The following GPHN variants were observed in gnomAD, a reference collection of about 807,000 sequenced individuals.
The protein encoded by GPHN is gephyrin.
A neutral mutation model predicts 95.5 loss-of-function variants in GPHN; 17 were observed. The ratio of observed to expected loss-of-function variants is 0.18; its 90% CI spans 0.12 to 0.27. GPHN has a LOEUF of 0.27. GPHN is among the 10% of genes least tolerant of loss of function. The pLI, the probability that GPHN is intolerant of heterozygous loss-of-function variation, is 1.00. For missense variants in GPHN, 660 were observed against 978.1 expected (o/e 0.67, Z 4.34); for synonymous variants, 320 against 322.5 (o/e 0.99, Z 0.08).
chr14:67,251,744 TAG>T, the GPHN span, among the ~76,000 whole-genome samples: 5 of 152,216 alleles, frequency 3.3e-5, no homozygotes, highest in South Asian at 2.1e-4. Context: ...TTCTTAAGCA[TAG>T]AGAGTCTTTT....
chr14:67,710,601 T>A, the GPHN span, among the ~76,000 whole-genome samples: 1 of 151,998 alleles, frequency 6.6e-6, no homozygotes, highest in Non-Finnish European at 1.5e-5. Context: ...ACAAAAAAAA[T>A]CTTTATTTTT....
chr14:67,446,287 T>C, the GPHN span, among the ~76,000 whole-genome samples: 1 of 152,182 alleles, frequency 6.6e-6, no homozygotes, highest in Non-Finnish European at 1.5e-5. Flanking sequence ...ATTCCATGGC[T>C]CTAAACTCAA....
the GPHN span, among the ~76,000 whole-genome samples, chr14:67,330,738 C>A: frequency 0.16 from 23,618 of 152,154 alleles, 3,462 homozygotes; most frequent in East Asian, 0.42. Flanking sequence ...GATTATGGGC[C>A]TGAGCCCCCG....
chr14:67,699,589 C>CAAAAAAAAAA, the GPHN span, among the ~76,000 whole-genome samples: 23 of 50,744 alleles, frequency 4.5e-4, no homozygotes, highest in African/African-American at 9.6e-4. Flanking sequence ...GACCCTATCT[C>CAAAAAAAAAA]AAAAAAAAAA....
the GPHN span, among the ~76,000 whole-genome samples, chr14:67,377,051 G>A: frequency 2.6e-5 from 4 of 152,112 alleles, no homozygotes; most frequent in Non-Finnish European, 5.9e-5. Flanking sequence ...CTAGCTCCCA[G>A]TTGGTCCTAT....
the GPHN span, among the ~76,000 whole-genome samples, chr14:67,192,076 T>G: frequency 6.6e-6 from 1 of 152,132 alleles, no homozygotes; most frequent in African/African-American, 2.4e-5. Flanking sequence ...CAAATAAAAC[T>G]CCATTCTTTG....
chr14:66,530,912 T>G (rs1777125782), intron 1 of GPHN, among the ~76,000 whole-genome samples: 1 of 151,824 alleles, frequency 6.6e-6, no homozygotes, highest in Non-Finnish European at 1.5e-5. Context: ...TCGGCCATCT[T>G]GCCAGCAACT....
At chr14:67,395,061 G>A in the GPHN span, among the ~76,000 whole-genome samples, 1 of 152,150 alleles carries the variant, frequency 6.6e-6, no homozygotes, top group East Asian at 1.9e-4. Flanking sequence ...CAGGTATTCT[G>A]TTATAAGTAA....
chr14:66,893,721 A>G (rs2064657253), intron 5 of GPHN, among the ~76,000 whole-genome samples: 1 of 149,248 alleles, frequency 6.7e-6, no homozygotes, highest in Non-Finnish European at 1.5e-5. Flanking sequence ...CACCAATAAC[A>G]GACAAACAGA....
chr14:66,899,911 A>G (rs2065044633), intron 5 of GPHN, among the ~76,000 whole-genome samples: 1 of 151,750 alleles, frequency 6.6e-6, no homozygotes, highest in Admixed American at 6.6e-5. Flanking sequence ...ATTTTTCTAG[A>G]GTTTTTTTAC....
the GPHN span, among the ~76,000 whole-genome samples, chr14:67,239,813 G>A: frequency 5.9e-5 from 9 of 152,154 alleles, no homozygotes; most frequent in Non-Finnish European, 1.0e-4. Flanking sequence ...CCGAGATTGC[G>A]CCACTTTACT....
chr14:67,340,413 GATC>G, the GPHN span: 3 of 1,592,550 alleles, frequency 1.9e-6, no homozygotes, highest in African/African-American at 1.3e-5. Flanking sequence ...AACAAAAGAT[GATC>G]AATAACTGCC....
At chr14:67,574,825 A>G in the GPHN span, among the ~76,000 whole-genome samples, 2 of 152,136 alleles carry the variant, frequency 1.3e-5, no homozygotes, top group Admixed American at 6.5e-5. This position sits in a 1 kb window ranked among gnomAD's most constrained non-coding sequence, Gnocchi z 4.2. Flanking sequence ...GGTTGAACAG[A>G]GCAGAGAAGC....
the GPHN span, among the ~76,000 whole-genome samples, chr14:67,731,144 G>T: frequency 1.3e-5 from 2 of 150,356 alleles, no homozygotes; most frequent in African/African-American, 4.9e-5. Context: ...AAATGTAGCT[G>T]CTAGAAAATT....
chr14:66,708,097 T>A (rs780921256), intron 2 of GPHN, among the ~76,000 whole-genome samples: 5 of 152,132 alleles, frequency 3.3e-5, no homozygotes, highest in Non-Finnish European at 7.4e-5. Flanking sequence ...CAAGTTTAGA[T>A]GATTTATTCA....
intron 2 of GPHN, among the ~76,000 whole-genome samples, chr14:66,699,795 G>A (rs922785139): frequency 6.6e-6 from 1 of 152,176 alleles, no homozygotes; most frequent in Non-Finnish European, 1.5e-5. Flanking sequence ...CCAGACAGAA[G>A]TAAACTATGG....
chr14:66,894,087 C>T (rs938106129), intron 5 of GPHN, among the ~76,000 whole-genome samples: 1 of 152,164 alleles, frequency 6.6e-6, no homozygotes, highest in Non-Finnish European at 1.5e-5. Flanking sequence ...AAGCTGGAGG[C>T]CTCACACTAC....
chr14:66,600,639 AAC>A (rs1246041507), intron 1 of GPHN, among the ~76,000 whole-genome samples: 1 of 152,112 alleles, frequency 6.6e-6, no homozygotes, highest in Non-Finnish European at 1.5e-5. Flanking sequence ...AAGCTTTTGT[AAC>A]ACACATATTT....
At position 67,134,953 on chromosome 14, in the gene GPHN, C is replaced by CTTCTTTTTTTT. The variant is rs573340363; in HGVS notation, c.1749-8407_1749-8406insCTTTTTTTTTT. Among the ~76,000 whole-genome samples the CTTCTTTTTTTT allele has an allele frequency of 6.6e-4, 30 of 45,258 alleles. 1 individual carries two copies. The highest frequency in any genetic ancestry group is 1.1e-3 in the Non-Finnish European group (26 of 23,718). The allele number at this position is 45,258 out of a possible 152,430, so 29.7% of individuals were successfully genotyped here. On this transcript the variant is annotated intron_variant, in intron 17 of 22. Coordinates refer to ENST00000478722, the MANE Select transcript of GPHN (RefSeq NM_020806.5). ...CTTTTTTTCTCTTTCTTTCTTTCTT[C>CTTCTTTTTTTT]TTTTTTTTTTTTTTTTTTTTTTTTT...
Sources: gnomAD v4.1 joint callset for allele counts (sites outside exome capture counted in the v4.1 genomes callset) on GRCh38, gnomAD v4.1.1 for gene constraint, Gnocchi (gnomAD v3.1) non-coding constraint, MANE v1.5 for transcripts, NCBI Gene and HGNC (gene_info 2026-07-23, HGNC 2026-07-21) for gene names.